Variants in NR5A1 observed in about 807,000 individuals in gnomAD.
NR5A1 encodes nuclear receptor subfamily 5 group A member 1.
A neutral mutation model predicts 42.7 loss-of-function variants in NR5A1; 6 were observed. The ratio of observed to expected loss-of-function variants is 0.14; its 90% CI spans 0.08 to 0.28. The LOEUF (loss-of-function observed/expected upper bound fraction) is 0.28, where lower values mean the gene tolerates loss of function less well. Among genes scored for constraint, NR5A1 ranks in the 10% least tolerant of loss-of-function variants. The pLI is 1.00. For synonymous variants in NR5A1, 274 were observed against 277.5 expected, an observed-to-expected ratio of 0.99 and a Z score of 0.12; for missense variants, 442 against 626.4, an observed-to-expected ratio of 0.71 and a Z score of 3.14.
chr9:124,492,942 C>T (rs1832339114), intron 5 of NR5A1, 88 bp downstream of exon 5: 6 of 1,428,648 alleles, frequency 4.2e-6, no homozygotes, highest in South Asian at 1.4e-5. Context: ...CCCGAGAGGC[C>T]TGGGTCCTCC....
chr9:124,504,624 C>A (rs1000931551), intron 1 of NR5A1, among the ~76,000 whole-genome samples: 3 of 151,658 alleles, frequency 2.0e-5, no homozygotes, highest in African/African-American at 7.2e-5. Context: ...GCGCGAAGAG[C>A]CAGGGCCCGG....
intron 6 of NR5A1, among the ~76,000 whole-genome samples, chr9:124,489,632 G>A (rs1295926600): frequency 5.9e-5 from 9 of 152,236 alleles, no homozygotes; most frequent in South Asian, 4.1e-4. Context: ...GGAAGGTGCC[G>A]TTGCGGGCAG....
chr9:124,489,992 C>A (rs575185319), intron 6 of NR5A1, among the ~76,000 whole-genome samples: 14 of 152,312 alleles, frequency 9.2e-5, no homozygotes, highest in Admixed American at 6.5e-5. Context: ...CCACTCCCCA[C>A]TCCTCCCTCT....
chr9:124,504,128 G>A (rs966729052), intron 1 of NR5A1, among the ~76,000 whole-genome samples: 2 of 152,006 alleles, frequency 1.3e-5, no homozygotes, highest in African/African-American at 2.4e-5. Context: ...GAGGCCCGAA[G>A]AGAAAACCCA....
rs752743483 is a variant in NR5A1 at position 124,501,025 on chromosome 9, T to C, written c.245-310A>G. The C allele has an allele frequency of 1.5e-6, 1 of 657,622 alleles. No individual in the cohort carries two copies. Among genetic ancestry groups the C allele is most frequent in the Non-Finnish European group, 2.9e-6 (1 of 346,580 alleles). 40.7% of individuals were successfully genotyped at this position (657,622 alleles called of 1,614,324 possible). A position where few individuals can be genotyped will look rare whatever the true frequency, so the allele number is the denominator to read the frequency against. ...TTCCTTCTGACTCAAACTTTTTTTTTTCTCTTGTGCTTGCTGAACACCCAG... is the reference window on the plus strand; with the variant it reads ...TTCCTTCTGACTCAAACTTTTTTTTCTCTCTTGTGCTTGCTGAACACCCAG... On this transcript the variant is annotated intron_variant, in intron 3 of 6. Coordinates refer to ENST00000373588, the MANE Select transcript of NR5A1 (RefSeq NM_004959.5). This position sits in a 1 kb window ranked among gnomAD's most constrained non-coding sequence, Gnocchi z 4.1.
chr9:124,493,207 C>G lies in NR5A1; in HGVS notation c.871-58G>C, dbSNP rs891294471. On this transcript the variant is annotated intron_variant, in intron 4 of 6. Transcript: ENST00000373588. ...CCAGCCAGGGTCCAGGGACCTTCCT[C>G]TCACCCCTTCTCCTCCCACTGAGAC... is the stretch of plus-strand genomic sequence containing the variant. 3.8e-6 allele frequency: 6 copies of G among 1,563,440 alleles called. No individual in the cohort carries two copies. In the East Asian group the frequency reaches 1.4e-4, roughly 36 times the overall value.
rs571931098 is a variant in NR5A1, at chr9:124,487,781, G to A, written c.1138+3300C>T. On this transcript the variant is annotated intron_variant, in intron 6 of 6. Coordinates refer to ENST00000373588, the MANE Select transcript of NR5A1 (RefSeq NM_004959.5). ...GGGTCCCAGTTTCCCTGGAGCCCCA[G>A]CTCTGGTGGTCTGGGTGGGATCAGG... Among the ~76,000 whole-genome samples the A allele has an allele frequency of 2.5e-4, 38 of 152,372 alleles. 1 individual carries two copies. The highest frequency in any genetic ancestry group is 7.2e-4 in the African/African-American group (30 of 41,594).
intron 1 of NR5A1, among the ~76,000 whole-genome samples, chr9:124,505,772 C>CG (rs975761124): frequency 1.8e-4 from 28 of 152,132 alleles, no homozygotes; most frequent in African/African-American, 6.0e-4. Flanking sequence ...GGAGCTCTCA[C>CG]GGGGGGGTGG....
chr9:124,502,969 G>A, intron 3 of NR5A1, 110 bp downstream of exon 3: 2 of 1,373,520 alleles, frequency 1.5e-6, no homozygotes, highest in East Asian at 2.5e-5. Flanking sequence ...TGTCGCACGA[G>A]GGGCCTTCGC....
intron 4 of NR5A1, among the ~76,000 whole-genome samples, chr9:124,495,039 G>A (rs915699550): frequency 2.0e-5 from 3 of 152,190 alleles, no homozygotes; most frequent in African/African-American, 7.2e-5. Context: ...GGAGAAGTCA[G>A]GAACTGCACA....
rs1832461698 is a variant in NR5A1 at position 124,500,886 on chromosome 9, C to T, written c.245-171G>A. The T allele has an allele frequency of 2.8e-6, 3 of 1,055,368 alleles. No homozygotes were observed. Among genetic ancestry groups the T allele is most frequent in the Non-Finnish European group, 1.4e-6 (1 of 694,040 alleles). The allele number at this position is 1,055,368 out of a possible 1,614,324, so 65.4% of individuals were successfully genotyped here. On this transcript the variant is annotated intron_variant, in intron 3 of 6. Coordinates refer to ENST00000373588, the MANE Select transcript of NR5A1 (RefSeq NM_004959.5). This position sits in a 1 kb window ranked among gnomAD's most constrained non-coding sequence, Gnocchi z 6.9. Reference sequence around the variant, plus strand: ...GTCTCCTTTGCCTGGCATTCAAGGCCCTGCTCAGCTTTTCAGGCAATCCCT... The same window carrying T: ...GTCTCCTTTGCCTGGCATTCAAGGCTCTGCTCAGCTTTTCAGGCAATCCCT...
At chr9:124,493,287 T>A (rs1832344168) in intron 4 of NR5A1, 138 bp from the exon 5 acceptor site, 1 of 1,170,098 alleles carries the variant, frequency 8.5e-7, no homozygotes, top group Non-Finnish European at 1.2e-6. Context: ...TCTACCCAGA[T>A]GTCTAGGCTA....
chr9:124,491,015 T>TCGGCCCCCCCC, intron 6 of NR5A1, 66 bp downstream of exon 6: 9 of 634,816 alleles, frequency 1.4e-5, no homozygotes, highest in Non-Finnish European at 2.2e-5. Context: ...CTCTCCAGCC[T>TCGGCCCCCCCC]CACCCACCCT....
At chr9:124,485,080 G>A (rs1832188057) in intron 6 of NR5A1, among the ~76,000 whole-genome samples, 1 of 152,138 alleles carries the variant, frequency 6.6e-6, no homozygotes, top group African/African-American at 2.4e-5. Context: ...TCCCTGGAGG[G>A]GGAGAGCCAG....
intron 4 of NR5A1, 28 bp from the exon 5 acceptor site, chr9:124,493,177 G>A (rs753863762): frequency 1.2e-5 from 20 of 1,602,424 alleles, no homozygotes; most frequent in East Asian, 2.2e-5. Flanking sequence ...GCGGGGGGCC[G>A]GGCTCCAGCC....
At chr9:124,491,285 G>A in intron 5 of NR5A1, 57 bp from the exon 6 acceptor site, 3 of 1,429,668 alleles carry the variant, frequency 2.1e-6, no homozygotes, top group Non-Finnish European at 2.9e-6. Context: ...CCGGGCAGGT[G>A]GCTCTCTGAT....
At chr9:124,483,632 G>T (rs938963626) in intron 6 of NR5A1, among the ~76,000 whole-genome samples, 1 of 152,158 alleles carries the variant, frequency 6.6e-6, no homozygotes, top group African/African-American at 2.4e-5. Context: ...CCCCTGGCAC[G>T]ATCAAAGCCA....
chr9:124,506,935 G>A (rs1486247224), intron 1 of NR5A1: 3 of 152,872 alleles, frequency 2.0e-5, no homozygotes, highest in African/African-American at 4.8e-5. Context: ...CAGGCCCAGA[G>A]CCCTCCAGAC....
At chr9:124,502,907 C>T (rs1008113509) in intron 3 of NR5A1, among the ~76,000 whole-genome samples, 172 bp downstream of exon 3, 1 of 152,238 alleles carries the variant, frequency 6.6e-6, no homozygotes. Context: ...CTTCCCCGCC[C>T]GAGGCCCACC....
Sources: gnomAD v4.1 joint callset for allele counts (sites outside exome capture counted in the v4.1 genomes callset) on GRCh38, gnomAD v4.1.1 for gene constraint, Gnocchi (gnomAD v3.1) non-coding constraint, MANE v1.5 for transcripts, NCBI Gene and HGNC (gene_info 2026-07-23, HGNC 2026-07-21) for gene names.